Variants in DHRSX observed in about 807,000 individuals in gnomAD.
DHRSX encodes the protein polyprenol dehydrogenase.
Under a neutral mutation model 34.0 loss-of-function variants are expected in DHRSX, and 31 were observed. The observed-to-expected ratio is 0.91, with a 90% CI of 0.69 to 1.23. The LOEUF is 1.23. Ranked by LOEUF, DHRSX falls within the 50% of genes most tolerant of loss-of-function variation. The pLI, the probability that DHRSX is intolerant of heterozygous loss-of-function variation, is 0.00. For synonymous variants in DHRSX, 201 were observed against 183.8 expected, an observed-to-expected ratio of 1.09 and a Z score of -0.76; for missense variants, 414 against 428.1, an observed-to-expected ratio of 0.97 and a Z score of 0.29.
At chrX:2,255,243 G>A (rs1483056206) in intron 5 of DHRSX, among the ~76,000 whole-genome samples, 1 of 152,142 alleles carries the variant, frequency 6.6e-6, no homozygotes, top group Non-Finnish European at 1.5e-5. Context: ...AAACAACACA[G>A]GACATTGCAG....
intron 3 of DHRSX, among the ~76,000 whole-genome samples, chrX:2,354,116 C>T (rs1413620492): frequency 2.6e-5 from 4 of 152,164 alleles, no homozygotes; most frequent in African/African-American, 9.7e-5. Flanking sequence ...GGGTAGGCAT[C>T]GTCTCCTGGT....
At chrX:2,445,873 C>T (rs1310707613) in intron 1 of DHRSX, among the ~76,000 whole-genome samples, 2 of 151,614 alleles carry the variant, frequency 1.3e-5, no homozygotes, top group Non-Finnish European at 2.9e-5. Flanking sequence ...GGCTAAGGGA[C>T]TCCGCCATGT....
intron 4 of DHRSX, among the ~76,000 whole-genome samples, chrX:2,272,949 A>T (rs1461269929): frequency 6.6e-6 from 1 of 152,198 alleles, no homozygotes. Context: ...CTGGGTATCT[A>T]CCCAAAGGAA....
rs186270801 is a variant in DHRSX, at chrX:2,480,395, T to G, written c.109+20422A>C. Among the ~76,000 whole-genome samples, 18 of 150,928 alleles carry G rather than the reference T, an allele frequency of 1.2e-4. No homozygotes were observed. In the East Asian group the frequency reaches 3.3e-3, roughly 28 times the overall value. ...TTTGTCAAAGAACATAAAATTTCAG[T>G]TGGAGGCCAGGAGCGGTGGCTCATG... On this transcript the variant is annotated intron_variant, in intron 1 of 6. Transcript: ENST00000334651.
At chrX:2,295,547 A>G (rs1299177536) in intron 3 of DHRSX, among the ~76,000 whole-genome samples, 1 of 152,198 alleles carries the variant, frequency 6.6e-6, no homozygotes, top group Non-Finnish European at 1.5e-5. Flanking sequence ...CACGTTCTGT[A>G]CATGTATCCA....
At chrX:2,468,945 G>T (rs951260945) in intron 1 of DHRSX, among the ~76,000 whole-genome samples, 4 of 151,636 alleles carry the variant, frequency 2.6e-5, no homozygotes, top group Non-Finnish European at 4.4e-5. Context: ...CCCTAAGTAT[G>T]TGGCTCAGGG....
intron 3 of DHRSX, among the ~76,000 whole-genome samples, chrX:2,315,730 T>C (rs188818395): frequency 1.3e-3 from 198 of 152,242 alleles, no homozygotes; most frequent in South Asian, 8.5e-3. Flanking sequence ...GATGTCTCCA[T>C]TTAGAGTCTC....
At chrX:2,340,148 A>C (rs2042622225) in intron 3 of DHRSX, among the ~76,000 whole-genome samples, 1 of 150,748 alleles carries the variant, frequency 6.6e-6, no homozygotes, top group Non-Finnish European at 1.5e-5. Context: ...ATAAGAACAC[A>C]TGGACACGGG....
At chrX:2,262,053 A>C (rs1196050940) in intron 5 of DHRSX, among the ~76,000 whole-genome samples, 1 of 152,106 alleles carries the variant, frequency 6.6e-6, no homozygotes, top group African/African-American at 2.4e-5. Flanking sequence ...CCTCTCATAC[A>C]GCAGGCTCCG....
chrX:2,438,070 G>A (rs992026498), intron 1 of DHRSX, among the ~76,000 whole-genome samples: 2 of 151,156 alleles, frequency 1.3e-5, no homozygotes, highest in African/African-American at 4.9e-5. Flanking sequence ...CCAGCACTTT[G>A]GGAGGCCGAG....
intron 3 of DHRSX, among the ~76,000 whole-genome samples, chrX:2,362,980 C>A: frequency 8.9e-6 from 1 of 111,982 alleles, no homozygotes; most frequent in South Asian, 3.0e-4. Context: ...TGGTATCATG[C>A]CGCCATTTTA....
At chrX:2,427,826 G>C (rs1191290742) in intron 1 of DHRSX, among the ~76,000 whole-genome samples, 3 of 152,106 alleles carry the variant, frequency 2.0e-5, no homozygotes, top group Admixed American at 2.0e-4. Flanking sequence ...CAACATATTT[G>C]GAATGTTCTT....
intron 6 of DHRSX, among the ~76,000 whole-genome samples, chrX:2,237,859 G>A (rs1038804320): frequency 1.3e-5 from 2 of 152,012 alleles, no homozygotes; most frequent in Non-Finnish European, 2.9e-5. Context: ...TGGGAAGAGA[G>A]GTAATAGCCA....
At chrX:2,385,142 GTATA>G (rs1283398692) in intron 3 of DHRSX, among the ~76,000 whole-genome samples, 1 of 144,214 alleles carries the variant, frequency 6.9e-6, no homozygotes, top group African/African-American at 2.5e-5. Flanking sequence ...GTGTGTATGT[GTATA>G]TATATGTGTG....
At chrX:2,349,517 G>C (rs62583737) in intron 3 of DHRSX, among the ~76,000 whole-genome samples, 98,482 of 151,170 alleles carry the variant, frequency 0.65, 33,942 homozygotes, top group African/African-American at 0.86. Flanking sequence ...GAAACCCCGT[G>C]TCCACTAAGA....
intron 5 of DHRSX, among the ~76,000 whole-genome samples, chrX:2,252,815 A>G (rs777500427): frequency 1.3e-5 from 2 of 152,282 alleles, no homozygotes; most frequent in South Asian, 4.1e-4. Flanking sequence ...CAGAAATGGG[A>G]AAGAATGAAA....
At chrX:2,309,502 G>T (rs1267250848) in intron 3 of DHRSX, among the ~76,000 whole-genome samples, 1 of 152,016 alleles carries the variant, frequency 6.6e-6, no homozygotes, top group Non-Finnish European at 1.5e-5. Flanking sequence ...TTCCAGAAAT[G>T]CTGTCCATTC....
intron 1 of DHRSX, among the ~76,000 whole-genome samples, chrX:2,498,563 G>A (rs2045337136): frequency 6.7e-6 from 1 of 150,340 alleles, no homozygotes. Context: ...TGGCAGACAC[G>A]TGACTTCACC....
At chrX:2,405,688 T>G (rs2043544545) in intron 3 of DHRSX, among the ~76,000 whole-genome samples, 1 of 151,740 alleles carries the variant, frequency 6.6e-6, no homozygotes, top group Non-Finnish European at 1.5e-5. Flanking sequence ...TCCCAGCTAC[T>G]GGGGAGGCTG....
Sources: gnomAD v4.1 joint callset for allele counts (sites outside exome capture counted in the v4.1 genomes callset) on GRCh38, gnomAD v4.1.1 for gene constraint, MANE v1.5 for transcripts, NCBI Gene and HGNC (gene_info 2026-07-23, HGNC 2026-07-21) for gene names.